Variants in CPT1A observed in about 807,000 individuals in gnomAD.
The protein encoded by CPT1A is carnitine palmitoyltransferase 1A.
In CPT1A, 64 loss-of-function variants were observed where a neutral mutation model predicts 100.8. The ratio of observed to expected loss-of-function variants is 0.63; its 90% confidence interval spans 0.52 to 0.78. CPT1A has a LOEUF of 0.78. CPT1A is among the 30% of genes least tolerant of loss of function. The pLI is 0.00. For synonymous variants in CPT1A, 363 were observed against 396.0 expected (o/e 0.92, Z 0.99); for missense variants, 802 against 1,034.1 (o/e 0.78, Z 3.08).
At chr11:68,766,248 A>T (rs1594320813) in intron 14 of CPT1A, among the ~76,000 whole-genome samples, 2 of 151,712 alleles carry the variant, frequency 1.3e-5, no homozygotes, top group African/African-American at 4.8e-5. Flanking sequence ...ACCTTGAAGG[A>T]CCCCTGAGAA....
At chr11:68,763,863 G>C (rs542193397) in intron 14 of CPT1A, among the ~76,000 whole-genome samples, 2 of 152,190 alleles carry the variant, frequency 1.3e-5, no homozygotes, top group Non-Finnish European at 2.9e-5. Flanking sequence ...AGCAGCTGGA[G>C]AGCTGGGCTG....
chr11:68,840,158 T>A (rs551529144), intron 1 of CPT1A, among the ~76,000 whole-genome samples: 3 of 152,330 alleles, frequency 2.0e-5, no homozygotes, highest in East Asian at 3.9e-4. Context: ...CAGCTGCGAA[T>A]GCTGATAGTC....
intron 9 of CPT1A, 89 bp from the exon 10 acceptor site, chr11:68,785,099 A>G (rs1287440499): frequency 3.5e-6 from 4 of 1,127,950 alleles, no homozygotes; most frequent in Non-Finnish European, 4.0e-6. Context: ...TGCAAAGGGC[A>G]TGGGAGTCCC....
In CPT1A at chr11:68,841,427, G is replaced by A. The variant is rs2154003355; in HGVS notation, c.-14+348C>T. ...GGCGGATTAAGGAGTGGGAGACAAG[G>A]GAGCCGGTGGCCCCGCTGGCCCCGG... On this transcript the variant is annotated intron_variant, in intron 1 of 18. Coordinates refer to ENST00000265641, the MANE Select transcript of CPT1A (RefSeq NM_001876.4). The surrounding 1 kb of genome is among the most constrained non-coding windows in gnomAD (Gnocchi z 6.3). Among the ~76,000 whole-genome samples, 2 of 151,500 alleles carry A rather than the reference G, an allele frequency of 1.3e-5. No homozygotes were observed. The highest frequency in any genetic ancestry group is 6.9e-3 in the Middle Eastern group (2 of 288).
At chr11:68,787,569 G>A (rs1019848888) in intron 9 of CPT1A, among the ~76,000 whole-genome samples, 2 of 152,092 alleles carry the variant, frequency 1.3e-5, no homozygotes, top group Admixed American at 1.3e-4. Flanking sequence ...ACCTCAGAAT[G>A]TGGCCTCATT....
intron 14 of CPT1A, among the ~76,000 whole-genome samples, chr11:68,772,933 C>A (rs1481849301): frequency 1.3e-5 from 2 of 152,158 alleles, no homozygotes; most frequent in Non-Finnish European, 2.9e-5. Context: ...CACACTATTT[C>A]CACTTTAGCA....
intron 1 of CPT1A, among the ~76,000 whole-genome samples, chr11:68,820,149 C>G (rs759893202): frequency 4.0e-5 from 4 of 98,884 alleles, no homozygotes; most frequent in African/African-American, 6.2e-5. Flanking sequence ...CCCACCTCAG[C>G]CTCCTGAGTA....
intron 1 of CPT1A, among the ~76,000 whole-genome samples, chr11:68,817,537 C>T (rs1045573774): frequency 2.6e-5 from 4 of 152,000 alleles, no homozygotes; most frequent in East Asian, 1.9e-4. Flanking sequence ...GGGGAGAAGC[C>T]GAGGGGACCT....
Position 68,810,986 on chromosome 11 carries a change from C to CA in CPT1A, c.281+1450dup, listed in dbSNP as rs534094624. On this transcript the variant is annotated intron_variant, in intron 3 of 18. Coordinates refer to ENST00000265641, the MANE Select transcript of CPT1A (RefSeq NM_001876.4). ...GGCAACGGAGCAAAAACTCCATTTC[C>CA]AAAAAAAAATCAAATTCAGCCGTTA... Among the ~76,000 whole-genome samples the CA allele has an allele frequency of 9.3e-5, 14 of 151,084 alleles. No individual in the cohort carries two copies. The East Asian group carries it at 9.7e-4, about 11-fold the overall frequency.
Position 68,835,473 on chromosome 11 carries a change from G to A in CPT1A, c.-14+6302C>T, listed in dbSNP as rs141032043. Among the ~76,000 whole-genome samples the A allele has an allele frequency of 1.8e-4, 28 of 152,336 alleles. No homozygotes were observed. The East Asian group carries it at 5.4e-3, about 29-fold the overall frequency. Reference sequence around the variant, plus strand: ...TGAACTTGAACTGAACTTCTAATGTGGGGACTGCAAAATACATTGGTGTCC... The same window carrying A: ...TGAACTTGAACTGAACTTCTAATGTAGGGACTGCAAAATACATTGGTGTCC... On this transcript the variant is annotated intron_variant, in intron 1 of 18. Transcript: ENST00000265641.
chr11:68,793,078 A>G (rs545022136), intron 9 of CPT1A, among the ~76,000 whole-genome samples: 1 of 151,632 alleles, frequency 6.6e-6, no homozygotes, highest in South Asian at 2.1e-4. Context: ...TAAATCAAAC[A>G]CTCTATGAGA....
chr11:68,782,654 G>A (rs974910805), intron 10 of CPT1A, among the ~76,000 whole-genome samples: 1 of 152,136 alleles, frequency 6.6e-6, no homozygotes, highest in African/African-American at 2.4e-5. Context: ...GTGCTCCCGG[G>A]TCCCTCTCAC....
rs542128889 is a variant in CPT1A at position 68,758,421 on chromosome 11, G to T, written c.2236-691C>A. Among the ~76,000 whole-genome samples, 14 of 152,276 alleles carry T rather than the reference G, an allele frequency of 9.2e-5. No individual in the cohort carries two copies. In the South Asian group the frequency reaches 2.9e-3, roughly 32 times the overall value. On this transcript the variant is annotated intron_variant, in intron 18 of 18. Transcript: ENST00000265641. ...GGGCAATGTGCCATGCTAGGGAGGA[G>T]GTCCCTTGTTCCATCCACAGAGGAA...
intron 1 of CPT1A, among the ~76,000 whole-genome samples, chr11:68,827,911 C>A (rs149722858): frequency 6.6e-6 from 1 of 152,210 alleles, no homozygotes; most frequent in Non-Finnish European, 1.5e-5. Context: ...CCTGCACCCC[C>A]CTGCTGGCAG....
chr11:68,766,110 A>C (rs1011195644), intron 14 of CPT1A, among the ~76,000 whole-genome samples: 3 of 152,004 alleles, frequency 2.0e-5, no homozygotes, highest in Non-Finnish European at 2.9e-5. Flanking sequence ...ACCTCAAGTG[A>C]TCCACCTGTC....
intron 10 of CPT1A, among the ~76,000 whole-genome samples, chr11:68,782,953 G>A (rs1239385477): frequency 6.6e-6 from 1 of 152,206 alleles, no homozygotes; most frequent in Non-Finnish European, 1.5e-5. Flanking sequence ...CCCACAGGGA[G>A]CCCAGGCCCC....
At chr11:68,821,318 A>G (rs986155510) in intron 1 of CPT1A, among the ~76,000 whole-genome samples, 1 of 152,108 alleles carries the variant, frequency 6.6e-6, no homozygotes, top group African/African-American at 2.4e-5. Flanking sequence ...ACGACTGGCT[A>G]ATTTTTGTAT....
At chr11:68,788,630 T>TAAAAAAAAAA in intron 9 of CPT1A, among the ~76,000 whole-genome samples, 12 of 27,554 alleles carry the variant, frequency 4.4e-4, no homozygotes, top group African/African-American at 5.7e-4. Context: ...CAAACAAAAG[T>TAAAAAAAAAA]AAAAAAAAAA....
At chr11:68,823,038 A>G (rs1388865362) in intron 1 of CPT1A, among the ~76,000 whole-genome samples, 3 of 152,020 alleles carry the variant, frequency 2.0e-5, no homozygotes, top group Non-Finnish European at 4.4e-5. Context: ...CTGTGAATAT[A>G]CTAAAAACCA....
Sources: gnomAD v4.1 joint callset for allele counts (sites outside exome capture counted in the v4.1 genomes callset) on GRCh38, gnomAD v4.1.1 for gene constraint, Gnocchi (gnomAD v3.1) non-coding constraint, MANE v1.5 for transcripts, NCBI Gene and HGNC (gene_info 2026-07-23, HGNC 2026-07-21) for gene names.